Variants in GRID2 observed in about 807,000 individuals in gnomAD.
GRID2 encodes the protein glutamate ionotropic receptor delta type subunit 2.
Under a neutral mutation model 114.8 loss-of-function variants are expected in GRID2, and 33 were observed. That is an observed-to-expected ratio of 0.29 (90% CI 0.22 to 0.38). The LOEUF is 0.38. Ranked by LOEUF, GRID2 falls within the 10% of genes least tolerant of loss-of-function variation. GRID2 has a pLI of 1.00. For missense variants in GRID2, 1,184 were observed against 1,257.7 expected (o/e 0.94, Z 0.89); for synonymous variants, 505 against 449.9 (o/e 1.12, Z -1.55).
intron 8 of GRID2, among the ~76,000 whole-genome samples, chr4:93,367,639 A>G (rs1001102977): frequency 6.6e-6 from 1 of 152,182 alleles, no homozygotes; most frequent in African/African-American, 2.4e-5. Flanking sequence ...GTAAATGAAC[A>G]GAGTGGAGTA....
intron 4 of GRID2, among the ~76,000 whole-genome samples, chr4:93,126,956 C>A (rs1402890474): frequency 6.6e-6 from 1 of 152,126 alleles, no homozygotes; most frequent in Non-Finnish European, 1.5e-5. Flanking sequence ...ATGATAATTA[C>A]TTTTCACTTT....
At chr4:93,424,746 A>C (rs1768672475) in intron 10 of GRID2, among the ~76,000 whole-genome samples, 1 of 152,030 alleles carries the variant, frequency 6.6e-6, no homozygotes, top group Non-Finnish European at 1.5e-5. Context: ...TTATTTCTTC[A>C]ATTTTTTTTA....
chr4:93,126,352 T>C (rs1196844885), intron 4 of GRID2, among the ~76,000 whole-genome samples: 2 of 152,068 alleles, frequency 1.3e-5, no homozygotes, highest in Non-Finnish European at 2.9e-5. Flanking sequence ...AAGGCATAAT[T>C]GGCATAATAC....
rs190956815 is a variant in GRID2, at chr4:92,999,687, A to G, written c.245-85308A>G. Among the ~76,000 whole-genome samples, 358 of 151,736 alleles carry G rather than the reference A, an allele frequency of 2.4e-3. 2 individuals are homozygous for G. Among genetic ancestry groups the G allele is most frequent in the African/African-American group, 8.1e-3 (337 of 41,518 alleles). ...ATTTCCTAGTTTTGCTATCATAAAC[A>G]ACAAAGAAATAAAATCTCTGATCAC... On this transcript the variant is annotated intron_variant, in intron 2 of 15. Transcript: ENST00000282020.
At chr4:93,758,955 C>T (rs1194445669) in intron 14 of GRID2, among the ~76,000 whole-genome samples, 1 of 151,946 alleles carries the variant, frequency 6.6e-6, no homozygotes, top group Non-Finnish European at 1.5e-5. Flanking sequence ...AAAGCGTTCT[C>T]TTTCCAATTG....
intron 14 of GRID2, among the ~76,000 whole-genome samples, chr4:93,736,874 A>G (rs1394461790): frequency 6.6e-6 from 1 of 151,710 alleles, no homozygotes; most frequent in African/African-American, 2.4e-5. Flanking sequence ...AAAAAAAAAA[A>G]AAAAAATCCA....
In GRID2 at chr4:93,325,706, T is replaced by C. The variant is rs956599718; in HGVS notation, c.1246-69901T>C. On this transcript the variant is annotated intron_variant, in intron 8 of 15. Coordinates refer to ENST00000282020, the MANE Select transcript of GRID2 (RefSeq NM_001510.4). ...TTAGTCATATTTCAATTTCCTCATT[T>C]TTCTTCTTTAAACTTATTAAATGTG... Among the ~76,000 whole-genome samples, 8 of 131,376 alleles carry C rather than the reference T, an allele frequency of 6.1e-5. No homozygotes were observed. In the Admixed American group the frequency reaches 6.3e-4, roughly 10 times the overall value. The allele number at this position is 131,376 out of a possible 152,430, so 86.2% of individuals were successfully genotyped here.
rs189107107 is a variant in GRID2, at chr4:93,512,080, C to T, written c.1998-3136C>T. On this transcript the variant is annotated intron_variant, in intron 12 of 15. Coordinates refer to ENST00000282020, the MANE Select transcript of GRID2 (RefSeq NM_001510.4). Reference sequence around the variant, plus strand: ...GGGATTACAGGCATGAGCCACCATGCCTGGCTGATTTTCCCATTCCTCCTA... The same window carrying T: ...GGGATTACAGGCATGAGCCACCATGTCTGGCTGATTTTCCCATTCCTCCTA... 1.5e-3 allele frequency among the ~76,000 whole-genome samples: 232 copies of T among 152,218 alleles called. 1 individual carries two copies. Among genetic ancestry groups the T allele is most frequent in the African/African-American group, 5.4e-3 (223 of 41,538 alleles).
At chr4:92,792,531 T>G (rs575713657) in intron 2 of GRID2, among the ~76,000 whole-genome samples, 1 of 151,336 alleles carries the variant, frequency 6.6e-6, no homozygotes, top group African/African-American at 2.4e-5. Flanking sequence ...CCTTTCTCTC[T>G]TAGCTTTTGT....
At chr4:92,550,168 T>C (rs1726507057) in intron 1 of GRID2, among the ~76,000 whole-genome samples, 1 of 152,166 alleles carries the variant, frequency 6.6e-6, no homozygotes, top group Non-Finnish European at 1.5e-5. Context: ...AATGCTTTGT[T>C]CCAGTACTTT....
intron 1 of GRID2, among the ~76,000 whole-genome samples, chr4:92,329,350 T>C (rs2110140432): frequency 6.6e-6 from 1 of 152,170 alleles, no homozygotes; most frequent in Non-Finnish European, 1.5e-5. Context: ...AGATGACATC[T>C]ACATACTTTA....
chr4:93,555,636 C>T (rs957061627), intron 13 of GRID2, among the ~76,000 whole-genome samples: 25 of 152,198 alleles, frequency 1.6e-4, no homozygotes, highest in Non-Finnish European at 1.2e-4. Context: ...CTCCCATCTC[C>T]CTGGGACAGA....
At chr4:92,613,950 G>A (rs953252486) in intron 2 of GRID2, among the ~76,000 whole-genome samples, 1 of 151,226 alleles carries the variant, frequency 6.6e-6, no homozygotes, top group African/African-American at 2.4e-5. Context: ...GTGATACATA[G>A]TGATGTTGAG....
At chr4:93,256,278 T>G (rs561031332) in intron 8 of GRID2, among the ~76,000 whole-genome samples, 1 of 152,118 alleles carries the variant, frequency 6.6e-6, no homozygotes, top group African/African-American at 2.4e-5. Context: ...TTTATCTTAT[T>G]GTTGCTAACA....
intron 14 of GRID2, among the ~76,000 whole-genome samples, chr4:93,672,511 A>C (rs1724518147): frequency 6.6e-6 from 1 of 152,262 alleles, no homozygotes. Context: ...GAAACGTGGC[A>C]TGCCAGCTTC....
intron 8 of GRID2, among the ~76,000 whole-genome samples, chr4:93,283,039 T>C (rs1372763961): frequency 6.6e-6 from 1 of 151,934 alleles, no homozygotes; most frequent in African/African-American, 2.4e-5. Flanking sequence ...CCAGGCCCCA[T>C]CTCCAACATT....
intron 8 of GRID2, among the ~76,000 whole-genome samples, chr4:93,273,051 A>G (rs1751649596): frequency 6.6e-6 from 1 of 152,216 alleles, no homozygotes; most frequent in South Asian, 2.1e-4. Flanking sequence ...AGATTTCTCT[A>G]TCACTGAATG....
At chr4:93,002,426 G>A (rs1452186183) in intron 2 of GRID2, among the ~76,000 whole-genome samples, 1 of 151,142 alleles carries the variant, frequency 6.6e-6, no homozygotes, top group African/African-American at 2.4e-5. Context: ...CATAGTTGAT[G>A]GGCCGATGAC....
intron 8 of GRID2, among the ~76,000 whole-genome samples, chr4:93,279,312 T>C (rs1376234456): frequency 6.6e-6 from 1 of 151,830 alleles, no homozygotes; most frequent in Non-Finnish European, 1.5e-5. Flanking sequence ...CACAAAATAC[T>C]GTACTAGAAC....
Sources: allele counts gnomAD v4.1 joint callset (sites outside exome capture counted in the v4.1 genomes callset), GRCh38; gene constraint gnomAD v4.1.1; transcripts MANE v1.5; gene names NCBI Gene and HGNC (gene_info 2026-07-23, HGNC 2026-07-21).